Variants in NRXN3 observed in about 807,000 individuals in gnomAD.
NRXN3 encodes the protein neurexin III.
Under a neutral mutation model 137.6 loss-of-function variants are expected in NRXN3, and 32 were observed. That is an observed-to-expected ratio of 0.23 (90% CI 0.18 to 0.31). The LOEUF is 0.31. Among genes scored for constraint, NRXN3 ranks in the 10% least tolerant of loss-of-function variants. The pLI is 1.00. For missense variants in NRXN3, 1,574 were observed against 2,062.5 expected, an observed-to-expected ratio of 0.76 and a Z score of 4.59; for synonymous variants, 798 against 784.5, an observed-to-expected ratio of 1.02 and a Z score of -0.29.
intron 15 of NRXN3, among the ~76,000 whole-genome samples, chr14:79,005,019 C>T (rs2099549473): frequency 6.6e-6 from 1 of 152,100 alleles, no homozygotes; most frequent in Admixed American, 6.6e-5. Flanking sequence ...ACCTGATTTC[C>T]TCAAATACCT....
intron 15 of NRXN3, among the ~76,000 whole-genome samples, chr14:79,078,564 T>C (rs1459362834): frequency 6.6e-6 from 1 of 152,196 alleles, no homozygotes; most frequent in Non-Finnish European, 1.5e-5. Context: ...ATACACTTTT[T>C]AAAAAGGTAG....
intron 15 of NRXN3, among the ~76,000 whole-genome samples, chr14:79,406,097 C>T (rs2095305732): frequency 6.6e-6 from 1 of 151,966 alleles, no homozygotes. Flanking sequence ...GAAAATTCTT[C>T]CCATAGCACT....
chr14:78,193,503 A>G (rs1359206878), intron 1 of NRXN3, among the ~76,000 whole-genome samples: 2 of 152,112 alleles, frequency 1.3e-5, no homozygotes, highest in Non-Finnish European at 2.9e-5. Context: ...TCCTTTTACT[A>G]AGAAACTTGA....
At chr14:79,717,048 G>C (rs552957719) in intron 19 of NRXN3, among the ~76,000 whole-genome samples, 2 of 152,260 alleles carry the variant, frequency 1.3e-5, no homozygotes, top group East Asian at 3.9e-4. Context: ...AGAAGACAAG[G>C]CTCTTTTTCC....
chr14:78,482,015 A>C (rs2095481233), intron 4 of NRXN3, among the ~76,000 whole-genome samples: 1 of 152,238 alleles, frequency 6.6e-6, no homozygotes. Flanking sequence ...CAAGGAGTCA[A>C]CTAAAAGTTA....
At chr14:78,674,513 C>T (rs1195611369) in intron 6 of NRXN3, among the ~76,000 whole-genome samples, 1 of 152,172 alleles carries the variant, frequency 6.6e-6, no homozygotes, top group Non-Finnish European at 1.5e-5. Flanking sequence ...TCTTTCATGC[C>T]TAGGGCATGT....
At chr14:78,994,953 A>G (rs1477660564) in intron 15 of NRXN3, among the ~76,000 whole-genome samples, 1 of 152,208 alleles carries the variant, frequency 6.6e-6, no homozygotes, top group Non-Finnish European at 1.5e-5. Flanking sequence ...TAATTATGAC[A>G]AAACTGAGAT....
At chr14:78,817,623 G>A (rs1265663898) in intron 10 of NRXN3, among the ~76,000 whole-genome samples, 2 of 152,166 alleles carry the variant, frequency 1.3e-5, no homozygotes, top group Non-Finnish European at 1.5e-5. Context: ...CACTCATGGA[G>A]GAAGACAGAA....
chr14:78,549,854 C>G (rs1441980330), intron 4 of NRXN3, among the ~76,000 whole-genome samples: 1 of 151,994 alleles, frequency 6.6e-6, no homozygotes, highest in Non-Finnish European at 1.5e-5. Flanking sequence ...CTGGCCTACT[C>G]CTTCCTTTTC....
intron 6 of NRXN3, among the ~76,000 whole-genome samples, chr14:78,666,539 C>A (rs533536180): frequency 6.6e-6 from 1 of 152,274 alleles, no homozygotes; most frequent in Non-Finnish European, 1.5e-5. Context: ...ACTGTCATTA[C>A]CTATTCACTC....
At chr14:79,576,979 G>T (rs1166061774) in intron 16 of NRXN3, among the ~76,000 whole-genome samples, 1 of 152,114 alleles carries the variant, frequency 6.6e-6, no homozygotes, top group Non-Finnish European at 1.5e-5. Context: ...GCCTTGAATT[G>T]TAATGACTCC....
At chr14:78,246,107 C>G (rs1174288369) in intron 2 of NRXN3, among the ~76,000 whole-genome samples, 2 of 152,130 alleles carry the variant, frequency 1.3e-5, no homozygotes, top group East Asian at 1.9e-4. Context: ...TTCTAGGGAC[C>G]AGGGTGTTTG....
intron 16 of NRXN3, among the ~76,000 whole-genome samples, chr14:79,470,184 A>G (rs1245920646): frequency 6.6e-6 from 1 of 152,072 alleles, no homozygotes; most frequent in Non-Finnish European, 1.5e-5. Flanking sequence ...TAGAAGAGAA[A>G]CCTCCTGGGA....
intron 15 of NRXN3, among the ~76,000 whole-genome samples, chr14:79,290,612 CA>C (rs1035791072): frequency 1.1e-4 from 15 of 141,206 alleles, no homozygotes; most frequent in Middle Eastern, 7.8e-3. Flanking sequence ...GATGTGGTAG[CA>C]AGAGGAACTA....
At chr14:79,237,184 G>A (rs957562958) in intron 15 of NRXN3, among the ~76,000 whole-genome samples, 1 of 151,790 alleles carries the variant, frequency 6.6e-6, no homozygotes, top group Non-Finnish European at 1.5e-5. Flanking sequence ...AGAGGAATTT[G>A]GAAGAAGGGA....
chr14:79,463,549 G>A (rs2096381088), intron 15 of NRXN3, among the ~76,000 whole-genome samples: 1 of 152,122 alleles, frequency 6.6e-6, no homozygotes, highest in South Asian at 2.1e-4. Flanking sequence ...AGTGGTGACT[G>A]TGTAGAGATT....
intron 17 of NRXN3, among the ~76,000 whole-genome samples, chr14:79,691,884 A>G (rs2098718016): frequency 6.6e-6 from 1 of 152,068 alleles, no homozygotes; most frequent in Non-Finnish European, 1.5e-5. Context: ...GGTTGAGATG[A>G]GACAGAGAGA....
chr14:79,240,727 A>G lies in NRXN3; in HGVS notation c.3263-226494A>G, dbSNP rs543895196. Among the ~76,000 whole-genome samples, 71 of 152,214 alleles carry G rather than the reference A, an allele frequency of 4.7e-4. 1 individual carries two copies. In the South Asian group the frequency reaches 0.014, roughly 30 times the overall value. ...AAACATCCTTTTTTTCATGCTTGACATATTGATATCATCCCACCGCAGATA... is the reference window on the plus strand; with the variant it reads ...AAACATCCTTTTTTTCATGCTTGACGTATTGATATCATCCCACCGCAGATA... On this transcript the variant is annotated intron_variant, in intron 15 of 20. Transcript: ENST00000335750.
chr14:79,276,709 T>TAAAAAAAA (rs757712972), intron 15 of NRXN3, among the ~76,000 whole-genome samples: 6 of 122,006 alleles, frequency 4.9e-5, no homozygotes, highest in East Asian at 2.2e-4. Context: ...CAATGCCAAT[T>TAAAAAAAA]AAAAAAAAAA....
Sources: allele counts gnomAD v4.1 joint callset (sites outside exome capture counted in the v4.1 genomes callset), GRCh38; gene constraint gnomAD v4.1.1; transcripts MANE v1.5; gene names NCBI Gene and HGNC (gene_info 2026-07-23, HGNC 2026-07-21).